Variants in GLTP observed in about 807,000 individuals in gnomAD.
GLTP encodes glycolipid transfer protein.
Under a neutral mutation model 24.0 loss-of-function variants are expected in GLTP, and 22 were observed. That is an observed-to-expected ratio of 0.92 (90% CI 0.65 to 1.31). The LOEUF (loss-of-function observed/expected upper bound fraction) is 1.31. Among genes scored for constraint, GLTP ranks in the 50% most tolerant of loss-of-function variants. The pLI is 0.00. For missense variants in GLTP, 224 were observed against 276.6 expected (o/e 0.81, Z 1.35); for synonymous variants, 92 against 115.9 (o/e 0.79, Z 1.33).
In GLTP at chr12:109,852,515, T is replaced by C. The variant is rs781495009; in HGVS notation, c.*40A>G. On this transcript the variant is annotated 3_prime_UTR_variant, in exon 5 of 5. Coordinates refer to ENST00000318348, the MANE Select transcript of GLTP (RefSeq NM_016433.4). ...TGATTCTGGTTTGCCTGTTTCTCCA[T>C]GTGGCCACGAGTCGGGGACGTGTCC... 1.3e-4 allele frequency: 178 copies of C among 1,350,996 alleles called. No homozygotes were observed. The highest frequency in any genetic ancestry group is 4.2e-4 in the Admixed American group (24 of 57,774). 83.7% of individuals were successfully genotyped at this position (1,350,996 alleles called of 1,614,324 possible).
chr12:109,860,616 TAGA>T, intron 1 of GLTP, among the ~76,000 whole-genome samples: 1 of 152,240 alleles, frequency 6.6e-6, no homozygotes, highest in African/African-American at 2.4e-5. Flanking sequence ...GTGCTGGGAT[TAGA>T]GGGATACACC....
intron 1 of GLTP, among the ~76,000 whole-genome samples, chr12:109,879,093 G>T (rs1164235608): frequency 1.3e-5 from 2 of 152,156 alleles, no homozygotes; most frequent in Non-Finnish European, 2.9e-5. Context: ...TGAAGGAGGG[G>T]AACTATAGCC....
chr12:109,872,797 A>G (rs1254174528), intron 1 of GLTP, among the ~76,000 whole-genome samples: 1 of 152,216 alleles, frequency 6.6e-6, no homozygotes, highest in African/African-American at 2.4e-5. Flanking sequence ...CAGGCACACA[A>G]TCTAAATCAC....
rs1892734598 is a variant in GLTP, at chr12:109,852,266, C to T, written c.*289G>A. 3.6e-6 allele frequency: 1 copy of T among 276,704 alleles called. No individual in the cohort carries two copies. Among genetic ancestry groups the T allele is most frequent in the South Asian group, 8.1e-5 (1 of 12,372 alleles). The allele number at this position is 276,704 out of a possible 1,614,324, so 17.1% of individuals were successfully genotyped here. The stretch of plus-strand genomic sequence containing the variant: ...GACTTGACTCATTAGAAGTGTTAAT[C>T]GGTTTTTACCACGCTGAAATGAAGG... On this transcript the variant is annotated 3_prime_UTR_variant, in exon 5 of 5. Transcript: ENST00000318348.
intron 4 of GLTP, among the ~76,000 whole-genome samples, chr12:109,853,786 C>T (rs1334032583): frequency 6.6e-6 from 1 of 151,648 alleles, no homozygotes; most frequent in Non-Finnish European, 1.5e-5. Flanking sequence ...CTCTGTCCTC[C>T]AGGCTGGAGT....
intron 1 of GLTP, among the ~76,000 whole-genome samples, chr12:109,871,348 G>A (rs1868716042): frequency 6.6e-6 from 1 of 152,050 alleles, no homozygotes; most frequent in Non-Finnish European, 1.5e-5. Flanking sequence ...GCCCCCCAAA[G>A]TGTTGGGATT....
intron 4 of GLTP, among the ~76,000 whole-genome samples, chr12:109,853,514 C>T (rs1415019260): frequency 6.6e-6 from 1 of 150,382 alleles, no homozygotes; most frequent in African/African-American, 2.5e-5. Context: ...TATGATAAAA[C>T]TCCATCTCTA....
At chr12:109,871,168 C>T (rs1375606844) in intron 1 of GLTP, among the ~76,000 whole-genome samples, 2 of 150,028 alleles carry the variant, frequency 1.3e-5, no homozygotes, top group African/African-American at 2.5e-5. Context: ...ACTGTAACCT[C>T]CGCCTCCTGG....
At chr12:109,871,016 A>ACATT (rs1371119148) in intron 1 of GLTP, among the ~76,000 whole-genome samples, 2 of 152,046 alleles carry the variant, frequency 1.3e-5, no homozygotes, top group African/African-American at 4.8e-5. Context: ...AAAGGAGTTA[A>ACATT]CATTCACTCT....
chr12:109,864,085 G>A (rs1444582904), intron 1 of GLTP, among the ~76,000 whole-genome samples: 1 of 152,198 alleles, frequency 6.6e-6, no homozygotes, highest in East Asian at 1.9e-4. Context: ...GTTATTGTGT[G>A]TGGGGCCACC....
intron 1 of GLTP, among the ~76,000 whole-genome samples, chr12:109,861,684 G>C (rs1271649563): frequency 6.6e-6 from 1 of 152,092 alleles, no homozygotes; most frequent in Non-Finnish European, 1.5e-5. Context: ...GGAGGCAGAG[G>C]TTGCAATGAG....
intron 1 of GLTP, among the ~76,000 whole-genome samples, chr12:109,864,688 C>T (rs1227273306): frequency 6.6e-6 from 1 of 152,144 alleles, no homozygotes; most frequent in Non-Finnish European, 1.5e-5. Context: ...GCTTCCACTA[C>T]ACCCTTAACC....
intron 1 of GLTP, among the ~76,000 whole-genome samples, chr12:109,875,653 A>C (rs563796115): frequency 6.6e-6 from 1 of 152,358 alleles, no homozygotes; most frequent in East Asian, 1.9e-4. Flanking sequence ...TAGAGAGAGA[A>C]GATAAACAAA....
At chr12:109,876,896 A>G (rs1489199070) in intron 1 of GLTP, among the ~76,000 whole-genome samples, 2 of 152,190 alleles carry the variant, frequency 1.3e-5, no homozygotes, top group Admixed American at 6.5e-5. Context: ...TGTGTCACCC[A>G]AACTGGAGTA....
At chr12:109,876,541 G>A (rs1868885394) in intron 1 of GLTP, among the ~76,000 whole-genome samples, 1 of 130,820 alleles carries the variant, frequency 7.6e-6, no homozygotes, top group Non-Finnish European at 1.6e-5. Context: ...AAGAAAGGAA[G>A]AAAAGAAAGG....
chr12:109,862,240 C>G (rs926247847), intron 1 of GLTP, among the ~76,000 whole-genome samples: 4 of 152,130 alleles, frequency 2.6e-5, no homozygotes, highest in African/African-American at 9.7e-5. Context: ...AATGGGGTGA[C>G]GACTCCATGC....
At chr12:109,862,408 C>T (rs1205518404) in intron 1 of GLTP, among the ~76,000 whole-genome samples, 2 of 152,184 alleles carry the variant, frequency 1.3e-5, no homozygotes, top group Non-Finnish European at 2.9e-5. Context: ...TACATAATAA[C>T]GCCGGAGCCA....
intron 1 of GLTP, among the ~76,000 whole-genome samples, chr12:109,871,013 T>G (rs1868702821): frequency 6.6e-6 from 1 of 151,618 alleles, no homozygotes; most frequent in African/African-American, 2.4e-5. Context: ...ATAAAAGGAG[T>G]TAACATTCAC....
At chr12:109,876,352 C>A (rs2136050469) in intron 1 of GLTP, among the ~76,000 whole-genome samples, 1 of 152,054 alleles carries the variant, frequency 6.6e-6, no homozygotes. Flanking sequence ...TCTACAAAAA[C>A]AAAAATTTAA....
Sources: gnomAD v4.1 joint callset for allele counts (sites outside exome capture counted in the v4.1 genomes callset) on GRCh38, gnomAD v4.1.1 for gene constraint, MANE v1.5 for transcripts, NCBI Gene and HGNC (gene_info 2026-07-23, HGNC 2026-07-21) for gene names.